The following ADAMTS12 variants were observed in gnomAD, a reference collection of about 807,000 sequenced individuals.
The protein encoded by ADAMTS12 is ADAM metallopeptidase with thrombospondin type 1 motif 12.
A neutral mutation model predicts 167.8 loss-of-function variants in ADAMTS12; 118 were observed. That is an observed-to-expected ratio of 0.70 (90% CI 0.61 to 0.82). The LOEUF is 0.82. Ranked by LOEUF, ADAMTS12 falls within the 40% of genes least tolerant of loss-of-function variation. ADAMTS12 has a pLI of 0.00. For missense variants in ADAMTS12, 1,916 were observed against 1,998.8 expected (o/e 0.96, Z 0.79); for synonymous variants, 704 against 716.9 (o/e 0.98, Z 0.29).
chr5:33,838,555 T>C (rs1748618121), intron 2 of ADAMTS12, among the ~76,000 whole-genome samples: 1 of 152,088 alleles, frequency 6.6e-6, no homozygotes, highest in African/African-American at 2.4e-5. Flanking sequence ...TGATGGTGCA[T>C]GCCTGTAGTC....
At chr5:33,772,525 G>C (rs1467324416) in intron 2 of ADAMTS12, among the ~76,000 whole-genome samples, 2 of 152,194 alleles carry the variant, frequency 1.3e-5, no homozygotes, top group Non-Finnish European at 2.9e-5. Context: ...AGGAGATTGA[G>C]CAAAAATAAT....
chr5:33,745,329 T>C (rs550007528), intron 3 of ADAMTS12, among the ~76,000 whole-genome samples: 5 of 152,330 alleles, frequency 3.3e-5, no homozygotes, highest in South Asian at 2.1e-4. Context: ...TACTTATTCA[T>C]TGCCCTGCAG....
At chr5:33,774,252 C>T (rs1745839126) in intron 2 of ADAMTS12, among the ~76,000 whole-genome samples, 1 of 152,022 alleles carries the variant, frequency 6.6e-6, no homozygotes, top group Admixed American at 6.6e-5. Flanking sequence ...ACATTCCTGC[C>T]CATGGACAAT....
intron 13 of ADAMTS12, among the ~76,000 whole-genome samples, chr5:33,625,723 C>A (rs1208457525): frequency 3.9e-5 from 6 of 152,176 alleles, no homozygotes; most frequent in African/African-American, 1.2e-4. Flanking sequence ...GAAGGAGACA[C>A]ACCCATGTCC....
At chr5:33,852,163 G>C (rs1455975005) in intron 2 of ADAMTS12, among the ~76,000 whole-genome samples, 1 of 151,780 alleles carries the variant, frequency 6.6e-6, no homozygotes, top group Admixed American at 6.6e-5. Context: ...GGAAGAGAAA[G>C]AAAAGCCAAA....
intron 22 of ADAMTS12, among the ~76,000 whole-genome samples, chr5:33,538,517 C>T (rs563710310): frequency 6.6e-6 from 1 of 152,274 alleles, no homozygotes; most frequent in East Asian, 1.9e-4. Flanking sequence ...GGGACTTGCT[C>T]AGTGCCCATA....
intron 23 of ADAMTS12, among the ~76,000 whole-genome samples, chr5:33,529,533 T>TC (rs1743991827): frequency 6.6e-6 from 1 of 152,190 alleles, no homozygotes; most frequent in African/African-American, 2.4e-5. Context: ...CGCTGTCCTT[T>TC]GTAAAGGGAA....
intron 3 of ADAMTS12, among the ~76,000 whole-genome samples, chr5:33,704,609 C>T (rs2112303925): frequency 6.6e-6 from 1 of 152,154 alleles, no homozygotes; most frequent in East Asian, 1.9e-4. Flanking sequence ...TAAAGTTGAT[C>T]CCGTTTTCAT....
At chr5:33,777,711 C>T (rs2112435734) in intron 2 of ADAMTS12, among the ~76,000 whole-genome samples, 1 of 151,800 alleles carries the variant, frequency 6.6e-6, no homozygotes, top group South Asian at 2.1e-4. Flanking sequence ...AAGAGGCATC[C>T]AAATTGTAAA....
At chr5:33,742,023 T>A (rs933545401) in intron 3 of ADAMTS12, among the ~76,000 whole-genome samples, 3 of 152,204 alleles carry the variant, frequency 2.0e-5, no homozygotes, top group African/African-American at 7.2e-5. Flanking sequence ...GATTTTGTGA[T>A]TTTTTGTTTA....
At chr5:33,627,270 A>G in intron 13 of ADAMTS12, among the ~76,000 whole-genome samples, 3 of 127,804 alleles carry the variant, frequency 2.3e-5, no homozygotes, top group Non-Finnish European at 5.0e-5. Context: ...AGGTAGAGGT[A>G]GTGGTGGTTA....
intron 23 of ADAMTS12, among the ~76,000 whole-genome samples, chr5:33,531,692 A>G (rs1744109365): frequency 6.6e-6 from 1 of 152,172 alleles, no homozygotes; most frequent in African/African-American, 2.4e-5. Context: ...TCAACACAGG[A>G]GGCCCACTTG....
chr5:33,732,887 T>G (rs568236153), intron 3 of ADAMTS12, among the ~76,000 whole-genome samples: 2 of 152,080 alleles, frequency 1.3e-5, no homozygotes, highest in Non-Finnish European at 2.9e-5. Flanking sequence ...TAAATAAATT[T>G]TGATTTCATT....
chr5:33,711,329 C>A (rs1312749455), intron 3 of ADAMTS12, among the ~76,000 whole-genome samples: 1 of 152,170 alleles, frequency 6.6e-6, no homozygotes, highest in Non-Finnish European at 1.5e-5. Flanking sequence ...TGACCCAGCC[C>A]AGTTGCTAGA....
chr5:33,611,554 A>G (rs1036426150), intron 16 of ADAMTS12, among the ~76,000 whole-genome samples: 1 of 152,190 alleles, frequency 6.6e-6, no homozygotes, highest in African/African-American at 2.4e-5. Flanking sequence ...CAATTTGGCA[A>G]TAAGTTAATA....
intron 22 of ADAMTS12, among the ~76,000 whole-genome samples, chr5:33,545,653 C>T (rs1744935119): frequency 6.6e-6 from 1 of 152,080 alleles, no homozygotes; most frequent in African/African-American, 2.4e-5. Flanking sequence ...AAATGTGGCA[C>T]ATATACACCA....
At chr5:33,743,848 G>A (rs1239181616) in intron 3 of ADAMTS12, among the ~76,000 whole-genome samples, 1 of 152,010 alleles carries the variant, frequency 6.6e-6, no homozygotes, top group African/African-American at 2.4e-5. Context: ...CAGGCCACAA[G>A]TCACAACCCT....
intron 11 of ADAMTS12, among the ~76,000 whole-genome samples, chr5:33,640,107 C>T (rs1230258684): frequency 6.6e-6 from 1 of 152,184 alleles, no homozygotes; most frequent in Non-Finnish European, 1.5e-5. Context: ...AGACAGTTGA[C>T]CTACAGCAAG....
chr5:33,672,559 G>T (rs906957444), intron 5 of ADAMTS12, among the ~76,000 whole-genome samples: 16 of 152,194 alleles, frequency 1.1e-4, no homozygotes, highest in African/African-American at 3.9e-4. Context: ...GTTGAAAGGG[G>T]GATTTGATTG....
Sources: allele counts gnomAD v4.1 joint callset (sites outside exome capture counted in the v4.1 genomes callset), GRCh38; gene constraint gnomAD v4.1.1; transcripts MANE v1.5; gene names NCBI Gene and HGNC (gene_info 2026-07-23, HGNC 2026-07-21).